The following CNTN4 variants were observed in gnomAD, a reference collection of about 807,000 sequenced individuals.
CNTN4 encodes contactin 4.
Under a neutral mutation model 122.5 loss-of-function variants are expected in CNTN4, and 77 were observed. That is an observed-to-expected ratio of 0.63 (90% confidence interval 0.52 to 0.76). The LOEUF is 0.76. Among genes scored for constraint, CNTN4 ranks in the 30% least tolerant of loss-of-function variants. The probability of loss-of-function intolerance (pLI) is 0.00; values close to 1 mark genes in which losing one functional copy is unlikely to be tolerated. For synonymous variants in CNTN4, 512 were observed against 447.0 expected, an observed-to-expected ratio of 1.15 and a Z score of -1.83; for missense variants, 1,256 against 1,259.1, an observed-to-expected ratio of 1.00 and a Z score of 0.04.
chr3:2,981,251 T>C (rs1693951759), intron 13 of CNTN4, among the ~76,000 whole-genome samples: 1 of 152,064 alleles, frequency 6.6e-6, no homozygotes, highest in Non-Finnish European at 1.5e-5. Context: ...GAGACCATCC[T>C]GGCTAACACA....
chr3:2,151,407 C>T (rs1197437451), intron 2 of CNTN4, among the ~76,000 whole-genome samples: 1 of 152,192 alleles, frequency 6.6e-6, no homozygotes, highest in East Asian at 1.9e-4. Flanking sequence ...GCAGAAGGAA[C>T]AGCATGGGCC....
intron 6 of CNTN4, among the ~76,000 whole-genome samples, chr3:2,766,583 G>C (rs546458417): frequency 2.6e-5 from 4 of 152,208 alleles, no homozygotes; most frequent in African/African-American, 9.6e-5. Context: ...ATGGAATTTT[G>C]GGACGCGGCG....
At chr3:2,939,635 G>A (rs1239963970) in intron 13 of CNTN4, among the ~76,000 whole-genome samples, 1 of 152,170 alleles carries the variant, frequency 6.6e-6, no homozygotes, top group East Asian at 1.9e-4. Flanking sequence ...ATTATGTGAT[G>A]GGATGTATTC....
chr3:2,309,186 A>G (rs961063953), intron 2 of CNTN4, among the ~76,000 whole-genome samples: 2 of 152,018 alleles, frequency 1.3e-5, no homozygotes, highest in Non-Finnish European at 2.9e-5. Flanking sequence ...TTACTGGCAG[A>G]TTGACCCTTT....
chr3:2,406,598 T>C (rs2047046181), intron 3 of CNTN4, among the ~76,000 whole-genome samples: 1 of 152,138 alleles, frequency 6.6e-6, no homozygotes, highest in African/African-American at 2.4e-5. Context: ...ATTTTTGTAA[T>C]TTTTTAAAAT....
chr3:2,209,467 T>C (rs2038509064), intron 2 of CNTN4, among the ~76,000 whole-genome samples: 1 of 152,142 alleles, frequency 6.6e-6, no homozygotes, highest in African/African-American at 2.4e-5. Context: ...TCAAACAGTA[T>C]TCCATACCAT....
chr3:2,699,853 G>A (rs2086263214), intron 4 of CNTN4, among the ~76,000 whole-genome samples: 1 of 152,058 alleles, frequency 6.6e-6, no homozygotes, highest in African/African-American at 2.4e-5. Flanking sequence ...TTGATTATTG[G>A]CATTTTAGAC....
chr3:2,948,537 C>A (rs1049738342), intron 13 of CNTN4, among the ~76,000 whole-genome samples: 1 of 152,126 alleles, frequency 6.6e-6, no homozygotes, highest in Admixed American at 6.6e-5. Context: ...CATAGGTCTA[C>A]AATCCTGTAT....
chr3:2,488,138 T>C (rs1167769361), intron 3 of CNTN4, among the ~76,000 whole-genome samples: 1 of 152,210 alleles, frequency 6.6e-6, no homozygotes, highest in East Asian at 1.9e-4. Context: ...TATGATCACT[T>C]ATCCTTCAAA....
Position 2,473,199 on chromosome 3 carries a change from C to A in CNTN4, c.-88-98217C>A, listed in dbSNP as rs558789586. Among the ~76,000 whole-genome samples, 6 of 148,812 alleles carry A rather than the reference C, an allele frequency of 4.0e-5. No individual in the cohort carries two copies. The South Asian group carries it at 1.1e-3, about 27-fold the overall frequency. ...TGAGCCAAAATCGTGCCACTGTGCT[C>A]CAGCCTGGGCAACAAGAGCAAAACT... is the stretch of plus-strand genomic sequence containing the variant. On this transcript the variant is annotated intron_variant, in intron 3 of 24. Coordinates refer to ENST00000418658, the MANE Select transcript of CNTN4 (RefSeq NM_175607.3).
chr3:2,690,458 C>T, intron 4 of CNTN4, among the ~76,000 whole-genome samples: 1 of 152,070 alleles, frequency 6.6e-6, no homozygotes, highest in East Asian at 1.9e-4. Context: ...ACTCTCTAAC[C>T]CTTATTTTAT....
At chr3:2,523,709 A>G (rs934025889) in intron 3 of CNTN4, among the ~76,000 whole-genome samples, 1 of 152,106 alleles carries the variant, frequency 6.6e-6, no homozygotes, top group African/African-American at 2.4e-5. Context: ...AGTCTCTCTG[A>G]AATGTGCAAA....
chr3:2,155,868 G>T (rs1005498489), intron 2 of CNTN4, among the ~76,000 whole-genome samples: 1 of 152,194 alleles, frequency 6.6e-6, no homozygotes, highest in Non-Finnish European at 1.5e-5. Context: ...TCCTCAGAAA[G>T]CACCACCTTC....
At chr3:2,720,284 A>T (rs1019627623) in intron 4 of CNTN4, among the ~76,000 whole-genome samples, 1 of 152,182 alleles carries the variant, frequency 6.6e-6, no homozygotes, top group Non-Finnish European at 1.5e-5. Flanking sequence ...AACCAAAGGG[A>T]TTTATACTGC....
At chr3:2,770,218 C>T (rs1289302076) in intron 6 of CNTN4, among the ~76,000 whole-genome samples, 5 of 152,110 alleles carry the variant, frequency 3.3e-5, no homozygotes, top group South Asian at 2.1e-4. Context: ...TTAGTAGAGA[C>T]GGGGTTTCAC....
chr3:2,884,137 G>A (rs1032584716), intron 9 of CNTN4, among the ~76,000 whole-genome samples: 3 of 151,264 alleles, frequency 2.0e-5, no homozygotes, highest in African/African-American at 4.9e-5. Flanking sequence ...CAGGATCTGC[G>A]TATGTTGCCC....
intron 2 of CNTN4, among the ~76,000 whole-genome samples, chr3:2,170,032 G>A (rs1230477360): frequency 6.6e-6 from 1 of 151,488 alleles, no homozygotes; most frequent in Non-Finnish European, 1.5e-5. Flanking sequence ...AATCAAAAAA[G>A]TAAGGGAGGC....
chr3:2,657,053 A>T (rs985847789), intron 4 of CNTN4, among the ~76,000 whole-genome samples: 1 of 152,230 alleles, frequency 6.6e-6, no homozygotes, highest in Non-Finnish European at 1.5e-5. Context: ...AAAATAAATT[A>T]TGCAATGGGA....
intron 18 of CNTN4, 143 bp from the exon 19 acceptor site, chr3:3,038,790 G>A (rs1403583466): frequency 1.5e-5 from 10 of 662,684 alleles, no homozygotes; most frequent in Non-Finnish European, 2.4e-5. Flanking sequence ...TGGGCCCCTT[G>A]ACAATGCTGT....
Sources: gnomAD v4.1 joint callset for allele counts (sites outside exome capture counted in the v4.1 genomes callset) on GRCh38, gnomAD v4.1.1 for gene constraint, MANE v1.5 for transcripts, NCBI Gene and HGNC (gene_info 2026-07-23, HGNC 2026-07-21) for gene names.